The following SERPINE2 variants were observed in gnomAD, a reference collection of about 807,000 sequenced individuals.
SERPINE2 encodes the protein serpin family E member 2, also known as glia-derived nexin.
A neutral mutation model predicts 36.3 loss-of-function variants in SERPINE2; 14 were observed. The ratio of observed to expected loss-of-function variants is 0.39; its 90% CI spans 0.25 to 0.60. The LOEUF (loss-of-function observed/expected upper bound fraction) is 0.60. Ranked by LOEUF, SERPINE2 falls within the 20% of genes least tolerant of loss-of-function variation. The probability of loss-of-function intolerance (pLI) is 0.57; values close to 1 mark genes in which losing one functional copy is unlikely to be tolerated. For synonymous variants in SERPINE2, 192 were observed against 191.8 expected (o/e 1.00, Z -0.01); for missense variants, 418 against 499.6 (o/e 0.84, Z 1.56).
chr2:224,005,936 T>G (rs1021899819), intron 1 of SERPINE2, among the ~76,000 whole-genome samples: 1 of 152,224 alleles, frequency 6.6e-6, no homozygotes, highest in Non-Finnish European at 1.5e-5. Context: ...TCTCCTTCCC[T>G]ATGTTCTTCT....
chr2:224,017,986 T>C (rs1691856427), intron 1 of SERPINE2, among the ~76,000 whole-genome samples: 1 of 152,220 alleles, frequency 6.6e-6, no homozygotes, highest in African/African-American at 2.4e-5. Context: ...TTTTTTCAAT[T>C]TCCTTTATTT....
At chr2:224,031,412 AG>A in intron 1 of SERPINE2, 2 of 985,560 alleles carry the variant, frequency 2.0e-6, no homozygotes, top group Non-Finnish European at 2.4e-6. Context: ...GAAAACAGAA[AG>A]AAAGGCAGCT....
At chr2:223,997,495 C>T (rs867154629) in intron 3 of SERPINE2, among the ~76,000 whole-genome samples, 1 of 152,328 alleles carries the variant, frequency 6.6e-6, no homozygotes, top group African/African-American at 2.4e-5. Context: ...GCTGGGATTA[C>T]AGGTGTGAGC....
intron 1 of SERPINE2, chr2:224,030,805 G>C (rs1336237321): frequency 9.2e-6 from 2 of 217,106 alleles, no homozygotes; most frequent in Non-Finnish European, 1.6e-5. Context: ...CTGTGATTCT[G>C]CTGAGTTTTA....
chr2:224,025,484 A>T (rs1692152444), intron 1 of SERPINE2, among the ~76,000 whole-genome samples: 1 of 152,246 alleles, frequency 6.6e-6, no homozygotes, highest in African/African-American at 2.4e-5. Flanking sequence ...TTTCCCAATG[A>T]GAAAATCCCT....
chr2:224,003,574 C>T (rs1691276441), intron 1 of SERPINE2, among the ~76,000 whole-genome samples: 1 of 152,178 alleles, frequency 6.6e-6, no homozygotes, highest in South Asian at 2.1e-4. Flanking sequence ...ATGTTCTCAA[C>T]TACAGTGATT....
rs1012594582 is a variant in SERPINE2, at chr2:224,016,480, T to C, written c.-22-14558A>G. ...GAGGTTGTGCTATTGCACTCCAGCC[T>C]GGGCGACAAGAGCGAAAGTCCGTCT... is the stretch of plus-strand genomic sequence containing the variant. On this transcript the variant is annotated intron_variant, in intron 1 of 8. Coordinates refer to ENST00000409304, the MANE Select transcript of SERPINE2 (RefSeq NM_001136528.2). Among the ~76,000 whole-genome samples, 6 of 147,272 alleles carry C rather than the reference T, an allele frequency of 4.1e-5. 1 individual carries two copies. The South Asian group carries it at 1.3e-3, about 32-fold the overall frequency.
At chr2:224,027,329 T>C (rs749733779) in intron 1 of SERPINE2, among the ~76,000 whole-genome samples, 74 of 152,280 alleles carry the variant, frequency 4.9e-4, no homozygotes, top group Admixed American at 8.5e-4. Flanking sequence ...CAGAAAGCAC[T>C]TTCCTGGCCC....
intron 6 of SERPINE2, chr2:223,981,300 C>G (rs1307128521): frequency 6.6e-6 from 1 of 152,124 alleles, no homozygotes; most frequent in Non-Finnish European, 1.5e-5. Flanking sequence ...GTGAACACCC[C>G]CCATTTAGTA....
chr2:223,995,698 G>A (rs1156429811), intron 3 of SERPINE2, among the ~76,000 whole-genome samples: 1 of 152,176 alleles, frequency 6.6e-6, no homozygotes, highest in Middle Eastern at 3.2e-3. Context: ...ATCAAGCAGA[G>A]CCTGTGCTTT....
At chr2:224,028,164 G>A (rs1692246549) in intron 1 of SERPINE2, among the ~76,000 whole-genome samples, 2 of 152,118 alleles carry the variant, frequency 1.3e-5, no homozygotes, top group Non-Finnish European at 2.9e-5. Flanking sequence ...ATCTGGAGAG[G>A]TAACAGGTGA....
At position 223,988,963 on chromosome 2, in the gene SERPINE2, T is replaced by C. The variant is rs769793005; in HGVS notation, c.685+2840A>G. Among the ~76,000 whole-genome samples, 13 of 152,352 alleles carry C rather than the reference T, an allele frequency of 8.5e-5. No individual in the cohort carries two copies. The South Asian group carries it at 1.4e-3, about 17-fold the overall frequency. On this transcript the variant is annotated intron_variant, in intron 4 of 8. Coordinates refer to ENST00000409304, the MANE Select transcript of SERPINE2 (RefSeq NM_001136528.2). The stretch of plus-strand genomic sequence containing the variant: ...AATCCTATGTATGTAAAAAGTTTCA[T>C]AGACATATTTTACATATACCTAGAA...
At position 223,975,919 on chromosome 2, in the gene SERPINE2, G is replaced by T. The variant is rs1443755232; in HGVS notation, c.1157-15C>A. On this transcript the variant is annotated splice_polypyrimidine_tract_variant and intron_variant, in intron 8 of 8. Transcript: ENST00000409304. ...TAACACAGCACCTACAGAATTAAAAGAAAACAATGCATGACTCTGTAAATT... is the reference window on the plus strand; with the variant it reads ...TAACACAGCACCTACAGAATTAAAATAAAACAATGCATGACTCTGTAAATT... 1.9e-6 allele frequency: 3 copies of T among 1,593,536 alleles called. No homozygotes were observed. In the Admixed American group the frequency reaches 5.0e-5, roughly 27 times the overall value.
At chr2:224,031,913 G>A (rs1245136575) in intron 1 of SERPINE2, among the ~76,000 whole-genome samples, 1 of 152,124 alleles carries the variant, frequency 6.6e-6, no homozygotes, top group East Asian at 1.9e-4. Flanking sequence ...CAAGGAGAAA[G>A]AGAAGAAAGC....
rs76640306 is a variant in SERPINE2 at position 223,986,635 on chromosome 2, G to A, written c.686-1685C>T. 2.8e-3 allele frequency among the ~76,000 whole-genome samples: 433 copies of A among 152,298 alleles called. 4 individuals are homozygous for A. Among genetic ancestry groups the A allele is most frequent in the African/African-American group, 9.6e-3 (398 of 41,562 alleles). ...GCTCCAGGGCATGAAATAAGGACCT[G>A]GAGGTGTTAACTGCTTCTAGAAATG... On this transcript the variant is annotated intron_variant, in intron 4 of 8. Coordinates refer to ENST00000409304, the MANE Select transcript of SERPINE2 (RefSeq NM_001136528.2).
intron 6 of SERPINE2, 85 bp downstream of exon 6, chr2:223,982,596 A>C (rs1690261952): frequency 4.9e-6 from 4 of 812,928 alleles, no homozygotes; most frequent in Non-Finnish European, 7.8e-6. Context: ...CACATTCCTA[A>C]TTCTGATCCT....
rs182448078 is a variant in SERPINE2 at position 223,986,345 on chromosome 2, G to T, written c.686-1395C>A. Reference sequence around the variant, plus strand: ...CTGTTCAGTAACCCGGGTGCAGCTCGCCTCAGCTCCCATGTGTGTTGAACT... The same window carrying T: ...CTGTTCAGTAACCCGGGTGCAGCTCTCCTCAGCTCCCATGTGTGTTGAACT... On this transcript the variant is annotated intron_variant, in intron 4 of 8. Coordinates refer to ENST00000409304, the MANE Select transcript of SERPINE2 (RefSeq NM_001136528.2). Among the ~76,000 whole-genome samples the T allele has an allele frequency of 2.6e-5, 4 of 152,100 alleles. No homozygotes were observed. In the South Asian group the frequency reaches 8.3e-4, roughly 32 times the overall value.
intron 1 of SERPINE2, among the ~76,000 whole-genome samples, chr2:224,010,621 C>G (rs778094204): frequency 2.6e-5 from 4 of 152,196 alleles, no homozygotes; most frequent in Non-Finnish European, 5.9e-5. Flanking sequence ...TCCAATCCTA[C>G]TACCCATTAA....
intron 1 of SERPINE2, among the ~76,000 whole-genome samples, chr2:224,003,050 G>C (rs548917970): frequency 1.3e-5 from 2 of 152,076 alleles, no homozygotes; most frequent in Admixed American, 1.3e-4. Context: ...GGCAGGGTGC[G>C]GGGGGTGGTC....
Sources: allele counts gnomAD v4.1 joint callset (sites outside exome capture counted in the v4.1 genomes callset), GRCh38; gene constraint gnomAD v4.1.1; transcripts MANE v1.5; gene names NCBI Gene and HGNC (gene_info 2026-07-23, HGNC 2026-07-21).